The following FUS variants were observed in gnomAD, a reference collection of about 807,000 sequenced individuals.
FUS encodes FUS RNA binding protein.
FUS carries 5 observed loss-of-function variants against 82.7 expected under a neutral mutation model. That is an observed-to-expected ratio of 0.06 (90% confidence interval 0.03 to 0.13). The LOEUF is 0.13. FUS is among the 10% of genes least tolerant of loss of function. FUS has a pLI of 1.00. For synonymous variants in FUS, 281 were observed against 247.4 expected, an observed-to-expected ratio of 1.14 and a Z score of -1.27; for missense variants, 512 against 707.8, an observed-to-expected ratio of 0.72 and a Z score of 3.14.
chr16:31,181,253 G>A (rs2079172939), intron 1 of FUS, among the ~76,000 whole-genome samples: 1 of 152,196 alleles, frequency 6.6e-6, no homozygotes, highest in Non-Finnish European at 1.5e-5. Context: ...GGAGAAGAAC[G>A]GCCGCCCGAG....
rs1320639124 is a variant in FUS, at chr16:31,180,237, G to C, written c.13+10G>C. 6.2e-7 allele frequency: 1 copy of C among 1,609,596 alleles called. No individual in the cohort carries two copies. Among genetic ancestry groups the C allele is most frequent in the African/African-American group, 1.3e-5 (1 of 74,892 alleles). On this transcript the variant is annotated intron_variant, in intron 1 of 14. Transcript: ENST00000254108. ...GACATGGCCTCAAACGGTAGGTAAGGGCGCGAGGCGACGGCGGCGGCGCAC... is the reference window on the plus strand; with the variant it reads ...GACATGGCCTCAAACGGTAGGTAAGCGCGCGAGGCGACGGCGGCGGCGCAC...
chr16:31,190,217 G>C, intron 11 of FUS, 58 bp from the exon 12 acceptor site: 2 of 1,614,020 alleles, frequency 1.2e-6, no homozygotes, highest in Non-Finnish European at 1.7e-6. Flanking sequence ...GCATGGAATG[G>C]GTTAGATTTA....
intron 7 of FUS, chr16:31,188,028 C>T (rs1320069886): frequency 6.1e-6 from 3 of 494,680 alleles, no homozygotes; most frequent in Non-Finnish European, 7.3e-6. Context: ...GTTTCCCCTG[C>T]CACCTGTGCT....
At chr16:31,192,446 C>T (rs987928030), downstream of FUS, 1 of 521,910 alleles carries the variant, frequency 1.9e-6, no homozygotes, top group Non-Finnish European at 3.7e-6. Context: ...AACCCAAGAG[C>T]AGAAAGGTTT....
intron 3 of FUS, 49 bp from the exon 4 acceptor site, chr16:31,183,809 T>G: frequency 6.2e-7 from 1 of 1,612,512 alleles, no homozygotes; most frequent in Non-Finnish European, 8.5e-7. Context: ...TTCCTTACAT[T>G]TTCTCTTTCC....
rs558569186 is a variant in FUS, at chr16:31,190,587, C to A, written c.1293-155C>A. ...AGGTAATGGATTGGGTTCAGTAATA[C>A]TGATTTTTGTTCCTGACTCTGAGAA... is the stretch of plus-strand genomic sequence containing the variant. On this transcript the variant is annotated intron_variant, in intron 12 of 14. Coordinates refer to ENST00000254108, the MANE Select transcript of FUS (RefSeq NM_004960.4). 3.4e-6 allele frequency: 4 copies of A among 1,164,068 alleles called. No homozygotes were observed. In the South Asian group the frequency reaches 3.7e-5, roughly 11 times the overall value. 72.1% of individuals were successfully genotyped at this position (1,164,068 alleles called of 1,614,324 possible).
intron 1 of FUS, chr16:31,182,102 T>A: frequency 4.8e-6 from 2 of 416,490 alleles, no homozygotes; most frequent in Non-Finnish European, 9.0e-6. Flanking sequence ...GCGATTCTCC[T>A]GCTTCACCTC....
intron 8 of FUS, 75 bp from the exon 9 acceptor site, chr16:31,189,048 C>G (rs1439335853): frequency 1.9e-6 from 2 of 1,074,048 alleles, no homozygotes; most frequent in Non-Finnish European, 2.9e-6. Context: ...TTGATGGATA[C>G]TAGGTGCTTT....
intron 6 of FUS, 48 bp downstream of exon 6, chr16:31,185,227 G>A: frequency 1.3e-6 from 2 of 1,553,148 alleles, no homozygotes; most frequent in South Asian, 1.2e-5. Context: ...GAGTGTGGAG[G>A]ATTGCATGAA....
At chr16:31,188,279 C>A in intron 7 of FUS, 46 bp from the exon 8 acceptor site, 2 of 1,597,670 alleles carry the variant, frequency 1.3e-6, no homozygotes, top group South Asian at 1.1e-5. Context: ...CTCATCTTTT[C>A]CTTGTTTTTG....
downstream of FUS, chr16:31,194,587 G>A (rs967259280): frequency 8.0e-6 from 4 of 498,312 alleles, no homozygotes; most frequent in East Asian, 1.8e-4. Flanking sequence ...ATTAAGGTGT[G>A]AGATACTGTG....
At chr16:31,187,074 A>G (rs2079281456) in intron 7 of FUS, 1 of 591,564 alleles carries the variant, frequency 1.7e-6, no homozygotes, top group Non-Finnish European at 3.0e-6. Context: ...GGTTAATAAG[A>G]GGGGTCTAGT....
chr16:31,184,371 T>TGGTGGA lies in FUS; in HGVS notation c.521_523+3dup. 2.8e-4 allele frequency: 455 copies of TGGTGGA among 1,612,958 alleles called. No individual in the cohort carries two copies. The highest frequency in any genetic ancestry group is 1.5e-3 in the East Asian group (67 of 44,838). ...AGAACCAGTACAACAGCAGCAGTGG[T>TGGTGGA]GGTGGAGGTGGAGGTGGAGGTGGAG... On this transcript the variant is annotated inframe_insertion, in exon 5 of 15. Coordinates refer to ENST00000254108, the MANE Select transcript of FUS (RefSeq NM_004960.4).
intron 6 of FUS, chr16:31,186,454 T>C (rs2079270809): frequency 2.3e-6 from 1 of 432,202 alleles, no homozygotes; most frequent in Non-Finnish European, 4.3e-6. Context: ...GTAGGGTTTT[T>C]AAACCAACTA....
In FUS at chr16:31,183,857, G is replaced by A. The variant is rs1464931188; in HGVS notation, c.191-1G>A. ...TGACTCCCTTTTTCTTATCCTGGTAGCAGGCTATGGAACTCAGTCAACTCC... is the reference window on the plus strand; with the variant it reads ...TGACTCCCTTTTTCTTATCCTGGTAACAGGCTATGGAACTCAGTCAACTCC... On this transcript the variant is annotated splice_acceptor_variant, in intron 3 of 14. Transcript: ENST00000254108. LOFTEE classifies it high-confidence loss of function. 1 of 1,614,086 alleles carries A rather than the reference G, an allele frequency of 6.2e-7. No homozygotes were observed. The highest frequency in any genetic ancestry group is 1.6e-4 in the Middle Eastern group (1 of 6,062).
At position 31,190,260 on chromosome 16, in the gene FUS, G is replaced by T; in HGVS notation, c.1169-15G>T. Reference sequence around the variant, plus strand: ...TGGAGAGGGAGCAGACCCATACTTGGTCTATCTGCATTAGGACCCATGGGC... The same window carrying T: ...TGGAGAGGGAGCAGACCCATACTTGTTCTATCTGCATTAGGACCCATGGGC... On this transcript the variant is annotated splice_polypyrimidine_tract_variant and intron_variant, in intron 11 of 14. Transcript: ENST00000254108. 6.2e-7 allele frequency: 1 copy of T among 1,614,124 alleles called. No individual in the cohort carries two copies. Among genetic ancestry groups the T allele is most frequent in the East Asian group, 2.2e-5 (1 of 44,876 alleles).
At chr16:31,185,595 T>G (rs2079257788) in intron 6 of FUS, 1 of 516,728 alleles carries the variant, frequency 1.9e-6, no homozygotes, top group African/African-American at 1.9e-5. Context: ...GAGTTGGTAA[T>G]GGTTAACCTG....
chr16:31,186,906 T>G (rs2079278778), intron 7 of FUS, 70 bp downstream of exon 7: 1 of 1,414,310 alleles, frequency 7.1e-7, no homozygotes, highest in Non-Finnish European at 1.0e-6. Context: ...TTTGCAGATG[T>G]CTTAGCGTGT....
At chr16:31,183,818 C>T (rs571057775) in intron 3 of FUS, 40 bp from the exon 4 acceptor site, 30 of 1,613,580 alleles carry the variant, frequency 1.9e-5, no homozygotes, top group Middle Eastern at 1.6e-4. Flanking sequence ...TTTTCTCTTT[C>T]CTGGTGGCTT....
Sources: allele counts gnomAD v4.1 joint callset (sites outside exome capture counted in the v4.1 genomes callset), GRCh38; gene constraint gnomAD v4.1.1; transcripts MANE v1.5; gene names NCBI Gene and HGNC (gene_info 2026-07-23, HGNC 2026-07-21).